HEATR4: variants seen among roughly 807,000 people sequenced by gnomAD.
HEATR4 encodes the protein HEAT repeat containing 4, also known as HEAT repeat-containing protein 4.
In HEATR4, 95 loss-of-function variants were observed where a neutral mutation model predicts 108.8. That is an observed-to-expected ratio of 0.87 (90% confidence interval 0.74 to 1.04). The LOEUF is 1.04. Among genes scored for constraint, HEATR4 ranks in the 50% least tolerant of loss-of-function variants. HEATR4 has a pLI of 0.00. For missense variants in HEATR4, 1,152 were observed against 1,253.8 expected (o/e 0.92, Z 1.23); for synonymous variants, 443 against 459.4 (o/e 0.96, Z 0.46).
chr14:73,496,633 T>G lies in HEATR4; in HGVS notation c.2593A>C (p.Asn865His). The change falls in exon 15 of 18, where the codon AAC (asparagine) becomes CAC (histidine). Residue 865 changes from asparagine (N) to histidine (H), a missense_variant. By Grantham distance (68) the Asn-to-His change is moderately conservative. Coordinates refer to ENST00000553558, the MANE Select transcript of HEATR4 (RefSeq NM_001220484.1). ...MKILNLGNEG[N>H]QEMLQEIKNR... ...TTGATCTCCTGAAGCATTTCTTGGTTTCCTTCATTTCCTAAGTTGAGTATC... is the reference window on the plus strand; with the variant it reads ...TTGATCTCCTGAAGCATTTCTTGGTGTCCTTCATTTCCTAAGTTGAGTATC... The G allele has an allele frequency of 6.2e-7, 1 of 1,602,646 alleles. No homozygotes were observed.
At chr14:73,577,556 T>C in the HEATR4 span, among the ~76,000 whole-genome samples, 54,060 of 145,396 alleles carry the variant, frequency 0.37, 11,383 homozygotes, top group East Asian at 0.84. Flanking sequence ...TTTTATCTTT[T>C]CCCTTGCAAT....
chr14:73,504,091 T>TA (rs1195016335), intron 10 of HEATR4, among the ~76,000 whole-genome samples: 1 of 151,612 alleles, frequency 6.6e-6, no homozygotes, highest in Non-Finnish European at 1.5e-5. Context: ...TTTTTTTTTT[T>TA]TTTGAGACGG....
chr14:73,505,890 C>CTTTTTTT (rs139879719), intron 10 of HEATR4, among the ~76,000 whole-genome samples: 4 of 113,324 alleles, frequency 3.5e-5, no homozygotes, highest in Non-Finnish European at 7.1e-5. Context: ...ATAAACGTTT[C>CTTTTTTT]TTTTTTTTTT....
the HEATR4 span, among the ~76,000 whole-genome samples, chr14:73,618,651 G>A: frequency 1.3e-5 from 2 of 152,106 alleles, no homozygotes; most frequent in South Asian, 4.1e-4. Context: ...TTAACAGTTT[G>A]TTCATTTGAT....
the HEATR4 span, chr14:73,592,383 G>C: frequency 6.4e-7 from 1 of 1,555,562 alleles, no homozygotes; most frequent in Non-Finnish European, 8.7e-7. Flanking sequence ...GGTGCGAGCG[G>C]GCCGGGTGCG....
chr14:73,610,964 AC>A, the HEATR4 span: 1 of 152,206 alleles, frequency 6.6e-6, no homozygotes. Context: ...AGATTCCATC[AC>A]CCAGGCAGCA....
At chr14:73,602,281 A>G in the HEATR4 span, among the ~76,000 whole-genome samples, 1 of 152,160 alleles carries the variant, frequency 6.6e-6, no homozygotes, top group African/African-American at 2.4e-5. Context: ...GGTCAAAGGG[A>G]TCATGACCAA....
intron 7 of HEATR4, among the ~76,000 whole-genome samples, chr14:73,509,899 A>G: frequency 7.7e-6 from 1 of 130,014 alleles, no homozygotes; most frequent in Non-Finnish European, 1.6e-5. Flanking sequence ...TTTGAGACGG[A>G]GTCTTGTTCT....
chr14:73,502,214 C>T (rs539744132), intron 11 of HEATR4, among the ~76,000 whole-genome samples: 439 of 152,118 alleles, frequency 2.9e-3, no homozygotes, highest in Non-Finnish European at 5.0e-3. Context: ...TCTTATCCAC[C>T]CTCTGTGAAA....
At chr14:73,523,775 C>CCATAACTCT (rs1396945612) in intron 2 of HEATR4, among the ~76,000 whole-genome samples, 1 of 152,160 alleles carries the variant, frequency 6.6e-6, no homozygotes, top group African/African-American at 2.4e-5. Context: ...TTGTGCTGCT[C>CCATAACTCT]CATAACTCTT....
At chr14:73,606,384 CA>C in the HEATR4 span, among the ~76,000 whole-genome samples, 30,644 of 143,212 alleles carry the variant, frequency 0.21, 4,199 homozygotes, top group African/African-American at 0.43. Context: ...CAAAACAAAA[CA>C]AAAAAAAAAA....
chr14:73,580,630 G>C, the HEATR4 span: 1 of 152,114 alleles, frequency 6.6e-6, no homozygotes, highest in African/African-American at 2.4e-5. Flanking sequence ...TTGTTTTGAA[G>C]TATTGTTTCA....
In HEATR4 at chr14:73,498,250, A is replaced by G; in HGVS notation, c.2451T>C (p.Ala817=). 6.2e-7 allele frequency: 1 copy of G among 1,614,158 alleles called. No individual in the cohort carries two copies. The change falls in exon 14 of 18, where the codon GCT becomes GCC. Residue 817 remains alanine (A), a synonymous_variant. Coordinates refer to ENST00000553558, the MANE Select transcript of HEATR4 (RefSeq NM_001220484.1). The part of the protein sequence containing the change: ...YEESPGVRLE[A]CRSILALKLQ... Reference sequence around the variant, plus strand: ...GTTTCAGGGCTAGGATGCTACGGCAAGCTTCCAGCCGTACACCTGGTGACT... The same window carrying G: ...GTTTCAGGGCTAGGATGCTACGGCAGGCTTCCAGCCGTACACCTGGTGACT...
the HEATR4 span, among the ~76,000 whole-genome samples, chr14:73,600,876 C>T: frequency 1.6e-4 from 25 of 152,202 alleles, no homozygotes; most frequent in Non-Finnish European, 8.8e-5. Flanking sequence ...TGCTGGCTCA[C>T]GCCTGTAGTC....
intron 9 of HEATR4, among the ~76,000 whole-genome samples, chr14:73,506,807 T>TTTTTTTTTTTTTTTTTTTTTG (rs1566829993): frequency 9.8e-6 from 1 of 102,220 alleles, no homozygotes. Context: ...TTTAACTGTT[T>TTTTTTTTTTTTTTTTTTTTTG]TTTTTTTTTT....
the HEATR4 span, among the ~76,000 whole-genome samples, chr14:73,630,402 G>A: frequency 4.6e-5 from 7 of 152,278 alleles, no homozygotes; most frequent in South Asian, 6.2e-4. Flanking sequence ...CTGTTGCAAC[G>A]TTCTCGCAAC....
At chr14:73,508,040 C>T (rs575647073) in intron 9 of HEATR4, 94 bp downstream of exon 9, 88 of 1,219,206 alleles carry the variant, frequency 7.2e-5, no homozygotes, top group South Asian at 4.9e-4. Context: ...GCCACTGCCC[C>T]GGCCCCAGCT....
rs370721077 is a variant in HEATR4 at position 73,491,834 on chromosome 14, G to A, written c.2844+1232C>T. Reference sequence around the variant, plus strand: ...CGCTCGCTACATCAACGGACGACGCGAGACCCTGAACCCACCCGGCCGCGC... The same window carrying A: ...CGCTCGCTACATCAACGGACGACGCAAGACCCTGAACCCACCCGGCCGCGC... On this transcript the variant is annotated intron_variant, in intron 17 of 17. Transcript: ENST00000553558. The A allele has an allele frequency of 1.9e-6, 3 of 1,608,124 alleles. No homozygotes were observed. In the African/African-American group the frequency reaches 4.0e-5, roughly 22 times the overall value.
At chr14:73,563,227 G>A (rs1474213663), upstream of HEATR4, among the ~76,000 whole-genome samples, 4 of 151,916 alleles carry the variant, frequency 2.6e-5, no homozygotes, top group Non-Finnish European at 2.9e-5. Flanking sequence ...GAAAATAGAA[G>A]GAACCTACGT....
Sources: gnomAD v4.1 joint callset for allele counts (sites outside exome capture counted in the v4.1 genomes callset) on GRCh38, gnomAD v4.1.1 for gene constraint, MANE v1.5 for transcripts, NCBI Gene and HGNC (gene_info 2026-07-23, HGNC 2026-07-21) for gene names.